TMEM217B: variants seen among roughly 807,000 people sequenced by gnomAD.
TMEM217B encodes putative transmembrane protein 217B.
chr6:37,215,140 C>T, the TMEM217B span: 1 of 1,600,774 alleles, frequency 6.2e-7, no homozygotes, highest in South Asian at 1.1e-5. Context: ...AATGGCCTAA[C>T]TTCCCTTTCT....
chr6:37,216,066 T>G, the TMEM217B span, among the ~76,000 whole-genome samples: 5 of 151,314 alleles, frequency 3.3e-5, no homozygotes, highest in Non-Finnish European at 5.9e-5. Context: ...ATAATCAGAT[T>G]TGAATTTTAT....
At chr6:37,255,046 T>C in the TMEM217B span, among the ~76,000 whole-genome samples, 6 of 152,128 alleles carry the variant, frequency 3.9e-5, no homozygotes, top group Admixed American at 2.0e-4. Flanking sequence ...GCAGTAATGA[T>C]TGCATGCCCA....
At chr6:37,225,373 T>TA in the TMEM217B span, among the ~76,000 whole-genome samples, 2 of 151,788 alleles carry the variant, frequency 1.3e-5, no homozygotes, top group Middle Eastern at 3.4e-3. Flanking sequence ...CATCATAGTT[T>TA]AAAAAAAACA....
At chr6:37,257,718 G>A in the TMEM217B span, 8 of 574,432 alleles carry the variant, frequency 1.4e-5, no homozygotes, top group South Asian at 8.9e-5. Flanking sequence ...TGGTCGGCCC[G>A]TCCACGGCTT....
the TMEM217B span, among the ~76,000 whole-genome samples, chr6:37,230,486 G>A: frequency 6.3e-4 from 96 of 152,234 alleles, no homozygotes; most frequent in Middle Eastern, 0.01. Flanking sequence ...AGGTAATTAA[G>A]TTAAAATTAG....
the TMEM217B span, among the ~76,000 whole-genome samples, chr6:37,222,657 A>C: frequency 6.6e-6 from 1 of 152,322 alleles, no homozygotes; most frequent in African/African-American, 2.4e-5. Context: ...GCCCTCCTCC[A>C]AGAGCACAGG....
chr6:37,212,371 G>A, the TMEM217B span: 133 of 375,040 alleles, frequency 3.5e-4, no homozygotes, highest in Non-Finnish European at 6.2e-4. Context: ...TTCCATTGTT[G>A]AGGAACACCA....
chr6:37,220,353 T>C, the TMEM217B span, among the ~76,000 whole-genome samples: 1 of 152,188 alleles, frequency 6.6e-6, no homozygotes, highest in Non-Finnish European at 1.5e-5. Context: ...AAGCTCTGGG[T>C]CCACCAAGGT....
At chr6:37,218,797 G>C in the TMEM217B span, 1 of 1,614,214 alleles carries the variant, frequency 6.2e-7, no homozygotes, top group Non-Finnish European at 8.5e-7. Flanking sequence ...GGAAGCAGCT[G>C]ATGAGGATGG....
chr6:37,245,414 C>T, the TMEM217B span, among the ~76,000 whole-genome samples: 6 of 152,272 alleles, frequency 3.9e-5, no homozygotes, highest in African/African-American at 1.4e-4. Flanking sequence ...GGAATGGATT[C>T]TGTGCTGCTT....
the TMEM217B span, among the ~76,000 whole-genome samples, chr6:37,223,330 G>C: frequency 1.3e-5 from 2 of 152,060 alleles, no homozygotes; most frequent in Admixed American, 6.6e-5. Context: ...TCAAACTATG[G>C]AACACCACAC....
chr6:37,216,552 G>A, the TMEM217B span, among the ~76,000 whole-genome samples: 5 of 152,168 alleles, frequency 3.3e-5, no homozygotes, highest in South Asian at 2.1e-4. Flanking sequence ...GGAAGAAGGA[G>A]TCTGGGATGA....
the TMEM217B span, among the ~76,000 whole-genome samples, chr6:37,216,028 T>TGA: frequency 3.2e-3 from 375 of 116,148 alleles, no homozygotes; most frequent in African/African-American, 0.012. Context: ...TGTGTGTGTG[T>TGA]GTGTGAGAAA....
At chr6:37,257,667 A>G in the TMEM217B span, 47 of 521,162 alleles carry the variant, frequency 9.0e-5, no homozygotes, top group Admixed American at 3.6e-4. Context: ...CCCTGACGTT[A>G]CCGGTCGGCT....
the TMEM217B span, among the ~76,000 whole-genome samples, chr6:37,246,447 C>T: frequency 2.3e-4 from 35 of 152,172 alleles, 1 homozygote; most frequent in Admixed American, 2.3e-3. Flanking sequence ...CTTTTGCTCA[C>T]ATTCCACTGG....
At chr6:37,221,217 C>T in the TMEM217B span, among the ~76,000 whole-genome samples, 1 of 149,552 alleles carries the variant, frequency 6.7e-6, no homozygotes, top group Non-Finnish European at 1.5e-5. Context: ...GACGGAGTCT[C>T]GCTCTGTCGC....
chr6:37,239,824 A>G, the TMEM217B span, among the ~76,000 whole-genome samples: 5 of 151,800 alleles, frequency 3.3e-5, no homozygotes, highest in African/African-American at 1.2e-4. Flanking sequence ...CTCCCCTTAA[A>G]TAGGAGGATC....
the TMEM217B span, chr6:37,212,571 G>A: frequency 1.1e-5 from 5 of 466,446 alleles, no homozygotes; most frequent in Non-Finnish European, 2.1e-5. Context: ...GACAGAAAAA[G>A]TGCAGGAGCA....
chr6:37,243,882 G>C, the TMEM217B span, among the ~76,000 whole-genome samples: 1 of 152,244 alleles, frequency 6.6e-6, no homozygotes, highest in East Asian at 1.9e-4. Context: ...GCCTCTGGAT[G>C]GGGGGGTGCA....
Sources: allele counts gnomAD v4.1 joint callset (sites outside exome capture counted in the v4.1 genomes callset), GRCh38; gene constraint gnomAD v4.1.1; transcripts MANE v1.5; gene names NCBI Gene and HGNC (gene_info 2026-07-23, HGNC 2026-07-21).